The following CCSER1 variants were observed in gnomAD, a reference collection of about 807,000 sequenced individuals.
CCSER1 encodes the protein coiled-coil serine rich protein 1.
CCSER1 carries 41 observed loss-of-function variants against 82.0 expected under a neutral mutation model. That is an observed-to-expected ratio of 0.50 (90% CI 0.39 to 0.65). The LOEUF is 0.65. Among genes scored for constraint, CCSER1 ranks in the 30% least tolerant of loss-of-function variants. The pLI is 0.00. For synonymous variants in CCSER1, 414 were observed against 383.9 expected, an observed-to-expected ratio of 1.08 and a Z score of -0.92; for missense variants, 1,119 against 1,064.2, an observed-to-expected ratio of 1.05 and a Z score of -0.72.
chr4:90,184,532 A>C (rs1734268125), intron 1 of CCSER1, among the ~76,000 whole-genome samples: 1 of 152,160 alleles, frequency 6.6e-6, no homozygotes, highest in Admixed American at 6.6e-5. Flanking sequence ...ACAGTGCAAC[A>C]GACTGAACAT....
intron 7 of CCSER1, among the ~76,000 whole-genome samples, chr4:90,736,257 T>G (rs1194876184): frequency 6.6e-6 from 1 of 152,144 alleles, no homozygotes; most frequent in Non-Finnish European, 1.5e-5. Context: ...CAATGTTTCT[T>G]TGTTGATTTT....
chr4:91,022,843 T>A (rs537549943), intron 9 of CCSER1, among the ~76,000 whole-genome samples: 1 of 152,290 alleles, frequency 6.6e-6, no homozygotes, highest in South Asian at 2.1e-4. Flanking sequence ...CTTCACCCAC[T>A]TTTTGATGGG....
In CCSER1 at chr4:91,602,352, A is replaced by C. The variant is rs141951601; in HGVS notation, c.*3295A>C. Among the ~76,000 whole-genome samples the C allele has an allele frequency of 4.2e-3, 635 of 152,054 alleles. 6 individuals carry two copies. The highest frequency in any genetic ancestry group is 0.014 in the African/African-American group (602 of 41,550). ...GTCTTGTTTAATAGAGATAATAACC[A>C]TACACCCCTCTCCAGAAAAAAGTTT... On this transcript the variant is annotated 3_prime_UTR_variant, in exon 11 of 11. Coordinates refer to ENST00000509176, the MANE Select transcript of CCSER1 (RefSeq NM_001145065.2).
intron 8 of CCSER1, among the ~76,000 whole-genome samples, chr4:90,896,490 A>G (rs2150131680): frequency 1.3e-5 from 2 of 152,132 alleles, no homozygotes; most frequent in Middle Eastern, 6.8e-3. Context: ...TATTCTGAAA[A>G]TAATTATTTA....
intron 9 of CCSER1, among the ~76,000 whole-genome samples, chr4:90,950,003 A>T (rs75844488): frequency 0.056 from 8,496 of 151,990 alleles, 317 homozygotes; most frequent in South Asian, 0.16. Flanking sequence ...CTATCATACC[A>T]CACCCCTCCA....
chr4:91,078,219 G>T (rs377651169), intron 9 of CCSER1, among the ~76,000 whole-genome samples: 2 of 152,226 alleles, frequency 1.3e-5, no homozygotes. Flanking sequence ...ACCTCATAAG[G>T]CTGGTTGCCC....
At chr4:91,344,505 A>T (rs1205644110) in intron 10 of CCSER1, among the ~76,000 whole-genome samples, 1 of 152,204 alleles carries the variant, frequency 6.6e-6, no homozygotes, top group Non-Finnish European at 1.5e-5. Flanking sequence ...ATGGTTTATA[A>T]GTGTTTTAAA....
chr4:90,404,536 T>A lies in CCSER1; in HGVS notation c.1603+4407T>A, dbSNP rs897593094. Reference sequence around the variant, plus strand: ...CTGATGCCTTCTTGAAAGTGTTACTTCCTGGCTGGAGGCTGACCAACACAA... The same window carrying A: ...CTGATGCCTTCTTGAAAGTGTTACTACCTGGCTGGAGGCTGACCAACACAA... On this transcript the variant is annotated intron_variant, in intron 4 of 10. Coordinates refer to ENST00000509176, the MANE Select transcript of CCSER1 (RefSeq NM_001145065.2). 5.3e-5 allele frequency among the ~76,000 whole-genome samples: 8 copies of A among 152,134 alleles called. No homozygotes were observed. In the South Asian group the frequency reaches 1.5e-3, roughly 28 times the overall value.
rs146613494 is a variant in CCSER1 at position 91,081,394 on chromosome 4, G to A, written c.2173-4556G>A. On this transcript the variant is annotated intron_variant, in intron 9 of 10. Coordinates refer to ENST00000509176, the MANE Select transcript of CCSER1 (RefSeq NM_001145065.2). ...ATGCAAAAAACTCTCAATAAATTAG[G>A]TATTCATGGGACATATCTCAAAATA... 9.4e-3 allele frequency among the ~76,000 whole-genome samples: 1,424 copies of A among 152,184 alleles called. 18 individuals are homozygous for A. The highest frequency in any genetic ancestry group is 0.031 in the African/African-American group (1,293 of 41,530).
chr4:91,579,898 T>C (rs1253694255), intron 10 of CCSER1, among the ~76,000 whole-genome samples: 2 of 151,832 alleles, frequency 1.3e-5, no homozygotes, highest in African/African-American at 2.4e-5. Context: ...TAAATATCTA[T>C]GTTCCTGAAA....
chr4:91,105,900 A>G (rs1050128709), intron 10 of CCSER1, among the ~76,000 whole-genome samples: 4 of 151,982 alleles, frequency 2.6e-5, no homozygotes, highest in Non-Finnish European at 5.9e-5. Flanking sequence ...TTCACTTCAC[A>G]TGAACATTTA....
At chr4:91,256,194 A>C (rs915133979) in intron 10 of CCSER1, among the ~76,000 whole-genome samples, 4 of 152,240 alleles carry the variant, frequency 2.6e-5, no homozygotes, top group African/African-American at 2.4e-5. Flanking sequence ...ATGCAGTTGC[A>C]GATAGGGATG....
chr4:91,203,505 AT>A (rs1736097394), intron 10 of CCSER1, among the ~76,000 whole-genome samples: 3 of 151,898 alleles, frequency 2.0e-5, no homozygotes, highest in African/African-American at 7.2e-5. Flanking sequence ...TAGATAGATA[AT>A]AAACACACAC....
chr4:90,944,888 C>T (rs775370885), intron 9 of CCSER1, among the ~76,000 whole-genome samples: 4 of 152,220 alleles, frequency 2.6e-5, no homozygotes, highest in Admixed American at 6.5e-5. Context: ...CCACCATTCA[C>T]TCTGAGCATG....
At chr4:90,286,224 T>G (rs1180437908) in intron 1 of CCSER1, among the ~76,000 whole-genome samples, 3 of 152,068 alleles carry the variant, frequency 2.0e-5, no homozygotes, top group Admixed American at 6.6e-5. Flanking sequence ...TGTTCTTCTT[T>G]AAATGTTTGG....
rs1182519337 is a variant in CCSER1 at position 90,932,969 on chromosome 4, A to C, written c.2172+9522A>C. Among the ~76,000 whole-genome samples, 5 of 41,376 alleles carry C rather than the reference A, an allele frequency of 1.2e-4. 1 individual carries two copies. The highest frequency in any genetic ancestry group is 7.4e-4 in the African/African-American group (4 of 5,382). The allele number at this position is 41,376 out of a possible 152,430, so 27.1% of individuals were successfully genotyped here. On this transcript the variant is annotated intron_variant, in intron 9 of 10. Transcript: ENST00000509176. ...AAGAAAGAAAGAAAGAAAGAAAGAAAGAAAGAAAGAAAGAGAAAGAAAGAA... is the reference window on the plus strand; with the variant it reads ...AAGAAAGAAAGAAAGAAAGAAAGAACGAAAGAAAGAAAGAGAAAGAAAGAA...
chr4:91,118,945 G>A (rs1726858569), intron 10 of CCSER1, among the ~76,000 whole-genome samples: 1 of 152,118 alleles, frequency 6.6e-6, no homozygotes, highest in South Asian at 2.1e-4. Flanking sequence ...TCTGGGTAAG[G>A]AAAATCTGCT....
At chr4:90,435,644 G>A (rs555502578) in intron 4 of CCSER1, among the ~76,000 whole-genome samples, 7 of 152,262 alleles carry the variant, frequency 4.6e-5, no homozygotes, top group African/African-American at 1.4e-4. Flanking sequence ...GAGACATTTA[G>A]TGATGGCAAA....
At chr4:90,711,607 T>C (rs1740625162) in intron 6 of CCSER1, among the ~76,000 whole-genome samples, 1 of 152,078 alleles carries the variant, frequency 6.6e-6, no homozygotes, top group Non-Finnish European at 1.5e-5. Flanking sequence ...CTTTCACTTT[T>C]GTTCTGTTTA....
Sources: allele counts gnomAD v4.1 joint callset (sites outside exome capture counted in the v4.1 genomes callset), GRCh38; gene constraint gnomAD v4.1.1; transcripts MANE v1.5; gene names NCBI Gene and HGNC (gene_info 2026-07-23, HGNC 2026-07-21).